The following CRYL1 variants were observed in gnomAD, a reference collection of about 807,000 sequenced individuals.
CRYL1 encodes the protein crystallin lambda 1.
Under a neutral mutation model 36.6 loss-of-function variants are expected in CRYL1, and 29 were observed. The ratio of observed to expected loss-of-function variants is 0.79; its 90% CI spans 0.59 to 1.08. CRYL1 has a LOEUF of 1.08. Ranked by LOEUF, CRYL1 falls within the 50% of genes least tolerant of loss-of-function variation. The pLI is 0.00. For synonymous variants in CRYL1, 152 were observed against 151.5 expected, an observed-to-expected ratio of 1.00 and a Z score of -0.02; for missense variants, 411 against 407.9, an observed-to-expected ratio of 1.01 and a Z score of -0.06.
chr13:20,474,271 C>T (rs1565976468), intron 3 of CRYL1, among the ~76,000 whole-genome samples: 4 of 152,188 alleles, frequency 2.6e-5, no homozygotes, highest in South Asian at 2.1e-4. Context: ...CTAGGTATCT[C>T]GGAGGAAACC....
chr13:20,426,876 A>G (rs1470900859), intron 5 of CRYL1: 1 of 985,382 alleles, frequency 1.0e-6, no homozygotes, highest in Non-Finnish European at 1.2e-6. Flanking sequence ...CAAGAACTCA[A>G]TCTCTGCGGC....
Position 20,460,738 on chromosome 13 carries a change from A to G in CRYL1, c.277-20984T>C, listed in dbSNP as rs552769143. 3.6e-4 allele frequency among the ~76,000 whole-genome samples: 54 copies of G among 151,890 alleles called. No individual in the cohort carries two copies. The South Asian group carries it at 4.4e-3, about 12-fold the overall frequency. On this transcript the variant is annotated intron_variant, in intron 3 of 7. Transcript: ENST00000298248. ...GATGGGGTTTCACTGTGTTAGCCAG[A>G]ATGGTCTCGATCTCCTGACATCGTG... is the stretch of plus-strand genomic sequence containing the variant.
Position 20,525,750 on chromosome 13 carries a change from T to C in CRYL1, c.41+4A>G. On this transcript the variant is annotated splice_donor_region_variant and intron_variant, in intron 1 of 7. Transcript: ENST00000298248. This position sits in a 1 kb window ranked among gnomAD's most constrained non-coding sequence, Gnocchi z 4.3. ...GGGCAGCAGCGCGGCTCGGAGCCCT[T>C]TACCTGCCAACGATCACCACGCAGC... The C allele has an allele frequency of 7.5e-7, 1 of 1,335,178 alleles. No individual in the cohort carries two copies. Among genetic ancestry groups the C allele is most frequent in the Non-Finnish European group, 9.6e-7 (1 of 1,039,934 alleles). The allele number at this position is 1,335,178 out of a possible 1,614,324, so 82.7% of individuals were successfully genotyped here.
At chr13:20,417,583 T>C (rs1279208307) in intron 5 of CRYL1, among the ~76,000 whole-genome samples, 1 of 152,226 alleles carries the variant, frequency 6.6e-6, no homozygotes, top group Non-Finnish European at 1.5e-5. Context: ...TCACTGTTAG[T>C]TCAAAACATG....
chr13:20,461,572 C>T (rs912308036), intron 3 of CRYL1, among the ~76,000 whole-genome samples: 2 of 152,114 alleles, frequency 1.3e-5, no homozygotes, highest in African/African-American at 4.8e-5. Context: ...TGAAGGCTGG[C>T]ACCACAAAGC....
intron 5 of CRYL1, chr13:20,431,637 A>G (rs2183207): frequency 0.47 from 492,959 of 1,052,276 alleles, 117,271 homozygotes; most frequent in East Asian, 0.55. Flanking sequence ...AGGTAAGACA[A>G]GCATTTACTC....
chr13:20,460,232 C>T (rs886566182), intron 3 of CRYL1, among the ~76,000 whole-genome samples: 8 of 152,122 alleles, frequency 5.3e-5, no homozygotes, highest in Non-Finnish European at 1.0e-4. Flanking sequence ...TTAATCCTTG[C>T]ACCACATTAC....
At chr13:20,465,762 C>T (rs567291718) in intron 3 of CRYL1, among the ~76,000 whole-genome samples, 2 of 152,250 alleles carry the variant, frequency 1.3e-5, no homozygotes, top group African/African-American at 4.8e-5. Context: ...GTATGACATG[C>T]TCCTAATGTT....
chr13:20,459,311 A>G (rs1159720759), intron 3 of CRYL1, among the ~76,000 whole-genome samples: 1 of 152,122 alleles, frequency 6.6e-6, no homozygotes, highest in Non-Finnish European at 1.5e-5. Context: ...TGCTTAAAAG[A>G]GAATACTACC....
intron 1 of CRYL1, chr13:20,515,709 G>C (rs985967590): frequency 2.6e-5 from 4 of 152,112 alleles, no homozygotes; most frequent in Admixed American, 2.6e-4. Flanking sequence ...AATGCCCTAC[G>C]ATTCCACTTA....
chr13:20,422,862 T>C (rs1410713275), intron 5 of CRYL1, among the ~76,000 whole-genome samples: 1 of 152,232 alleles, frequency 6.6e-6, no homozygotes. Flanking sequence ...ACTGAATCTG[T>C]AGATCACCTT....
intron 1 of CRYL1, among the ~76,000 whole-genome samples, chr13:20,517,392 C>T (rs1032299666): frequency 1.3e-5 from 2 of 151,570 alleles, no homozygotes; most frequent in African/African-American, 2.4e-5. Flanking sequence ...GTCAGGAATT[C>T]GAGACCAGCC....
intron 3 of CRYL1, among the ~76,000 whole-genome samples, chr13:20,465,089 G>A (rs2032904583): frequency 6.6e-6 from 1 of 152,178 alleles, no homozygotes; most frequent in Admixed American, 6.5e-5. Context: ...TTTAAGTAGA[G>A]GAGCAGAATA....
At chr13:20,493,638 C>T (rs113577210) in intron 2 of CRYL1, among the ~76,000 whole-genome samples, 31,542 of 151,836 alleles carry the variant, frequency 0.21, 3,465 homozygotes, top group East Asian at 0.3. Context: ...CCAGCCTGGG[C>T]GACAGAGCTA....
chr13:20,456,192 G>GT (rs2032677651), intron 3 of CRYL1, among the ~76,000 whole-genome samples: 1 of 152,118 alleles, frequency 6.6e-6, no homozygotes, highest in East Asian at 1.9e-4. Flanking sequence ...ATAATACAAT[G>GT]ACCGGATGCA....
Position 20,404,649 on chromosome 13 carries a change from C to G in CRYL1, c.832G>C (p.Glu278Gln). 2 of 1,611,438 alleles carry G rather than the reference C, an allele frequency of 1.2e-6. No individual in the cohort carries two copies. Among genetic ancestry groups the G allele is most frequent in the Non-Finnish European group, 1.7e-6 (2 of 1,177,602 alleles). The change falls in exon 7 of 8, where the codon GAG (glutamate) becomes CAG (glutamine). Residue 278 changes from glutamate to glutamine, a missense_variant. By Grantham distance (29) the Glu-to-Gln change is conservative (BLOSUM62 2). Transcript: ENST00000298248. Reference sequence around the variant, plus strand: ...AAGTTACATACCTGGTTAACCTTCTCAGCAGTGGCCCTGGAAAACTCTGGA... The same window carrying G: ...AAGTTACATACCTGGTTAACCTTCTGAGCAGTGGCCCTGGAAAACTCTGGA... ...PIPEFSRATA[E>Q]KVNQDMCMKV...
intron 5 of CRYL1, chr13:20,431,766 T>A: frequency 8.1e-7 from 1 of 1,234,186 alleles, no homozygotes; most frequent in Non-Finnish European, 1.0e-6. Context: ...CACTGAGGGG[T>A]AAAAGCTGCC....
At chr13:20,484,395 G>C (rs766823497) in intron 3 of CRYL1, among the ~76,000 whole-genome samples, 17 of 152,096 alleles carry the variant, frequency 1.1e-4, no homozygotes, top group African/African-American at 3.9e-4. Flanking sequence ...GCTTCTTTCA[G>C]GTTTGCCATC....
intron 4 of CRYL1, 69 bp downstream of exon 4, chr13:20,439,524 A>AAAAAG: frequency 1.5e-5 from 16 of 1,036,636 alleles, no homozygotes; most frequent in African/African-American, 5.3e-5. Flanking sequence ...CAAAAAAAAA[A>AAAAAG]AAAAAAGAAA....
Sources: allele counts gnomAD v4.1 joint callset (sites outside exome capture counted in the v4.1 genomes callset), GRCh38; gene constraint gnomAD v4.1.1; non-coding constraint Gnocchi (gnomAD v3.1); transcripts MANE v1.5; gene names NCBI Gene and HGNC (gene_info 2026-07-23, HGNC 2026-07-21).